The following SEC24D variants were observed in gnomAD, a reference collection of about 807,000 sequenced individuals.
SEC24D encodes protein transport protein Sec24D.
SEC24D carries 69 observed loss-of-function variants against 116.9 expected under a neutral mutation model. That is an observed-to-expected ratio of 0.59 (90% CI 0.49 to 0.72). The LOEUF is 0.72. SEC24D is among the 30% of genes least tolerant of loss of function. The pLI is 0.00. For missense variants in SEC24D, 1,131 were observed against 1,264.1 expected (o/e 0.89, Z 1.60); for synonymous variants, 405 against 442.8 (o/e 0.91, Z 1.07).
At chr4:118,813,948 G>C (rs952375069) in intron 6 of SEC24D, among the ~76,000 whole-genome samples, 5 of 152,110 alleles carry the variant, frequency 3.3e-5, no homozygotes, top group Admixed American at 2.6e-4. Context: ...TAGAAAAACC[G>C]GGAACCCACT....
intron 13 of SEC24D, among the ~76,000 whole-genome samples, chr4:118,746,571 T>G (rs1182417602): frequency 2.0e-5 from 3 of 151,988 alleles, no homozygotes; most frequent in African/African-American, 7.2e-5. Context: ...TCTTTACCCC[T>G]GACATCTGCT....
intron 6 of SEC24D, among the ~76,000 whole-genome samples, chr4:118,806,902 G>A (rs1432779216): frequency 6.6e-6 from 1 of 152,038 alleles, no homozygotes; most frequent in Non-Finnish European, 1.5e-5. Flanking sequence ...TAGGAGGATT[G>A]CTTAAGCTCA....
chr4:118,723,745 CATT>C, intron 22 of SEC24D, 90 bp from the exon 23 acceptor site: 1 of 1,406,652 alleles, frequency 7.1e-7, no homozygotes, highest in African/African-American at 1.4e-5. Context: ...TTTTGGCAAA[CATT>C]ATTGAATGCC....
chr4:118,733,687 G>A (rs75334667), intron 19 of SEC24D, among the ~76,000 whole-genome samples: 1,540 of 152,288 alleles, frequency 0.01, 26 homozygotes, highest in African/African-American at 0.035. Flanking sequence ...GCATTTAGAT[G>A]TGTCATTAAT....
intron 15 of SEC24D, among the ~76,000 whole-genome samples, chr4:118,741,822 C>T (rs1017827892): frequency 6.6e-6 from 1 of 152,088 alleles, no homozygotes; most frequent in African/African-American, 2.4e-5. Context: ...CTGGGTGGTG[C>T]CTGCATAGTT....
In SEC24D at chr4:118,831,219, G is replaced by A. The variant is rs572160341; in HGVS notation, c.118+2360C>T. Among the ~76,000 whole-genome samples the A allele has an allele frequency of 3.9e-5, 6 of 152,154 alleles. 1 individual carries two copies. The South Asian group carries it at 6.2e-4, about 16-fold the overall frequency. On this transcript the variant is annotated intron_variant, in intron 2 of 22. Transcript: ENST00000280551. ...ATCTTCTATTTTTTTAGTAGAGACC[G>A]GGATTCACCATGTTGGCCAGGCTGG...
chr4:118,747,438 G>A (rs1726593857), intron 13 of SEC24D, among the ~76,000 whole-genome samples: 1 of 151,626 alleles, frequency 6.6e-6, no homozygotes, highest in Non-Finnish European at 1.5e-5. Context: ...AGCTATTTTT[G>A]TATTTTTAGT....
chr4:118,751,176 CTTTTT>C (rs1185148886), intron 13 of SEC24D, among the ~76,000 whole-genome samples: 2 of 100,324 alleles, frequency 2.0e-5, no homozygotes, highest in Non-Finnish European at 4.0e-5. Flanking sequence ...AGAGTGAGGG[CTTTTT>C]TTTTTTTTTT....
intron 8 of SEC24D, among the ~76,000 whole-genome samples, chr4:118,775,154 T>C (rs538295769): frequency 6.6e-6 from 1 of 152,242 alleles, no homozygotes; most frequent in East Asian, 1.9e-4. Context: ...CACACTATTT[T>C]ACTTTTCAAA....
At chr4:118,762,324 T>C (rs1727426339) in intron 10 of SEC24D, among the ~76,000 whole-genome samples, 1 of 152,170 alleles carries the variant, frequency 6.6e-6, no homozygotes, top group Non-Finnish European at 1.5e-5. Flanking sequence ...AGATACGGTT[T>C]TCAGTCTGGC....
intron 22 of SEC24D, among the ~76,000 whole-genome samples, chr4:118,725,378 T>A (rs950747461): frequency 1.3e-5 from 2 of 152,204 alleles, no homozygotes; most frequent in Non-Finnish European, 2.9e-5. Context: ...CTTTTCATTT[T>A]ATGTTTTATC....
chr4:118,779,843 T>C (rs1247483406), intron 8 of SEC24D, among the ~76,000 whole-genome samples: 1 of 152,204 alleles, frequency 6.6e-6, no homozygotes, highest in Non-Finnish European at 1.5e-5. Flanking sequence ...AGGGTGTATG[T>C]GTTGAGGAAT....
chr4:118,740,635 C>T (rs373636200), intron 17 of SEC24D, 28 bp downstream of exon 17: 10 of 1,608,652 alleles, frequency 6.2e-6, no homozygotes, highest in Admixed American at 5.0e-5. Flanking sequence ...ACTAAAATAA[C>T]GAAAGGTGGG....
chr4:118,806,377 C>G (rs995074287), intron 6 of SEC24D, among the ~76,000 whole-genome samples: 1 of 151,310 alleles, frequency 6.6e-6, no homozygotes, highest in Non-Finnish European at 1.5e-5. Context: ...ACTCTGTCAC[C>G]AAGGCTGGAG....
At chr4:118,765,918 G>A (rs1560660267) in intron 9 of SEC24D, among the ~76,000 whole-genome samples, 1 of 151,886 alleles carries the variant, frequency 6.6e-6, no homozygotes, top group Non-Finnish European at 1.5e-5. Context: ...AGGTTCTTAT[G>A]CACATATGGA....
intron 11 of SEC24D, among the ~76,000 whole-genome samples, chr4:118,753,096 A>T (rs1726919465): frequency 6.6e-6 from 1 of 152,158 alleles, no homozygotes; most frequent in Admixed American, 6.5e-5. Flanking sequence ...ACTGATAAGG[A>T]AAAAAATCCT....
chr4:118,815,795 A>G (rs1377835034), intron 4 of SEC24D, 69 bp from the exon 5 acceptor site: 12 of 1,509,654 alleles, frequency 7.9e-6, no homozygotes, highest in Admixed American at 3.7e-5. Context: ...TGCAAAGTAC[A>G]TGACAGAGAT....
intron 8 of SEC24D, among the ~76,000 whole-genome samples, chr4:118,785,099 C>T (rs917699134): frequency 2.6e-5 from 4 of 152,090 alleles, no homozygotes; most frequent in Admixed American, 2.0e-4. Flanking sequence ...ACAAGATCCT[C>T]GCCTTAGTTT....
rs34404398 is a variant in SEC24D, at chr4:118,816,088, ATTTTTTT to A, written c.398-369_398-363del. Among the ~76,000 whole-genome samples, 34 of 101,312 alleles carry A rather than the reference ATTTTTTT, an allele frequency of 3.4e-4. No individual in the cohort carries two copies. The Admixed American group carries it at 3.8e-3, about 11-fold the overall frequency. The allele number at this position is 101,312 out of a possible 152,430, so 66.5% of individuals were successfully genotyped here. ...AGGCACACACCACCACGCCAAGTTC[ATTTTTTT>A]TTTTTTTTTTTTTTGTAGAGTTGGG... is the stretch of plus-strand genomic sequence containing the variant. On this transcript the variant is annotated intron_variant, in intron 4 of 22. Transcript: ENST00000280551.
Sources: allele counts gnomAD v4.1 joint callset (sites outside exome capture counted in the v4.1 genomes callset), GRCh38; gene constraint gnomAD v4.1.1; transcripts MANE v1.5; gene names NCBI Gene and HGNC (gene_info 2026-07-23, HGNC 2026-07-21).